The following C5 variants were observed in gnomAD, a reference collection of about 807,000 sequenced individuals.
C5 encodes C3 and PZP-like alpha-2-macroglobulin domain-containing protein 4.
A neutral mutation model predicts 218.8 loss-of-function variants in C5; 140 were observed. The ratio of observed to expected loss-of-function variants is 0.64; its 90% confidence interval spans 0.56 to 0.74. C5 has a LOEUF of 0.74. Among genes scored for constraint, C5 ranks in the 30% least tolerant of loss-of-function variants. The pLI is 0.00. For synonymous variants in C5, 614 were observed against 682.3 expected, an observed-to-expected ratio of 0.90 and a Z score of 1.56; for missense variants, 1,700 against 1,969.6, an observed-to-expected ratio of 0.86 and a Z score of 2.59.
In C5 at chr9:121,027,182, T is replaced by C. The variant is rs529999368; in HGVS notation, c.851A>G (p.Gln284Arg). ...DLKDDQKEMM[Q>R]TAMQNTMLIN... ...TACCATTGTGTTTTGCATTGCTGTT[T>C]GCATCATTTCTTTTTGATCATCTTT... The change falls in exon 8 of 41, where the codon CAA becomes CGA. Residue 284 changes from glutamine (Q) to arginine (R), a missense_variant. Coordinates refer to ENST00000223642, the MANE Select transcript of C5 (RefSeq NM_001735.3). 1 of 1,590,172 alleles carries C rather than the reference T, an allele frequency of 6.3e-7. No individual in the cohort carries two copies. The highest frequency in any genetic ancestry group is 8.6e-7 in the Non-Finnish European group (1 of 1,161,162).
chr9:121,009,988 C>T (rs961335599), intron 17 of C5, among the ~76,000 whole-genome samples: 2 of 152,206 alleles, frequency 1.3e-5, no homozygotes, highest in African/African-American at 4.8e-5. Context: ...GGGCATCGCT[C>T]ATCCCAGTGG....
At chr9:121,036,601 A>T (rs991367836) in intron 4 of C5, among the ~76,000 whole-genome samples, 2 of 105,340 alleles carry the variant, frequency 1.9e-5, no homozygotes, top group African/African-American at 5.2e-5. Flanking sequence ...TTGCCCCCAT[A>T]GCTTAACTCA....
chr9:120,969,201 C>A, intron 32 of C5, 83 bp from the exon 33 acceptor site: 2 of 1,039,550 alleles, frequency 1.9e-6, no homozygotes, highest in South Asian at 2.5e-5. Context: ...AGAACAGAAT[C>A]ATTAATGAGC....
At chr9:120,963,867 T>C (rs2300931) in intron 33 of C5, 129 bp from the exon 34 acceptor site, 30,066 of 683,260 alleles carry the variant, frequency 0.044, 2,095 homozygotes, top group East Asian at 0.21. Flanking sequence ...CTACAATGTA[T>C]GGGTTAAAAT....
At chr9:121,025,123 C>A (rs979218028) in intron 9 of C5, among the ~76,000 whole-genome samples, 3 of 151,850 alleles carry the variant, frequency 2.0e-5, no homozygotes, top group African/African-American at 7.3e-5. Flanking sequence ...TGATTTTCAC[C>A]ACGTGAGGAC....
chr9:121,020,001 T>G lies in C5; in HGVS notation c.1481A>C (p.Asp494Ala). The change falls in exon 12 of 41, where the codon GAC (aspartate) becomes GCC (alanine). Residue 494 changes from aspartate to alanine, a missense_variant. Physicochemically the swap from Asp to Ala is moderately radical, Grantham distance 126. Coordinates refer to ENST00000223642, the MANE Select transcript of C5 (RefSeq NM_001735.3). ...CAAGTAATTATAGTGAGTTATTTTG[T>G]CAATATATGGGCTTTTGGGGGTAAC... ...IIVTPKSPYI[D>A]KITHYNYLIL... is the part of the protein sequence containing the mutation. 2 of 1,607,124 alleles carry G rather than the reference T, an allele frequency of 1.2e-6. No homozygotes were observed. The highest frequency in any genetic ancestry group is 1.7e-6 in the Non-Finnish European group (2 of 1,173,782).
chr9:120,989,458 G>C, intron 24 of C5, 110 bp downstream of exon 24: 1 of 754,742 alleles, frequency 1.3e-6, no homozygotes, highest in Non-Finnish European at 2.1e-6. Flanking sequence ...TGATTTTTTT[G>C]CTAAAATTCT....
At position 120,991,192 on chromosome 9, in the gene C5, T is replaced by C. The variant is rs2047074353; in HGVS notation, c.2940A>G (p.Lys980=). 2.6e-6 allele frequency: 4 copies of C among 1,563,358 alleles called. No individual in the cohort carries two copies. Among genetic ancestry groups the C allele is most frequent in the Non-Finnish European group, 3.5e-6 (4 of 1,133,672 alleles). Residue 980 remains lysine, a splice_region_variant and synonymous_variant, in exon 23 of 41, where the codon AAA becomes AAG. Coordinates refer to ENST00000223642, the MANE Select transcript of C5 (RefSeq NM_001735.3). ...TAAAAATGGCATTTGTTAATTTACC[T>C]TTTACACTCAAAATCCTTTTGATTT... The part of the protein sequence containing the change: ...KTEIKRILSV[K]GLLVGEILSA...
chr9:120,965,734 G>T (rs762601189), intron 33 of C5, among the ~76,000 whole-genome samples: 3 of 152,126 alleles, frequency 2.0e-5, no homozygotes, highest in Non-Finnish European at 4.4e-5. Flanking sequence ...TCCCTAATTG[G>T]ATGGGTAGAA....
chr9:121,049,707 T>A (rs1257169829), intron 1 of C5, among the ~76,000 whole-genome samples: 1 of 152,202 alleles, frequency 6.6e-6, no homozygotes, highest in African/African-American at 2.4e-5. Flanking sequence ...TTAAAATGCA[T>A]ATTATCTCAA....
At chr9:121,030,529 G>A (rs538453603) in intron 6 of C5, 42 bp from the exon 7 acceptor site, 29 of 1,213,188 alleles carry the variant, frequency 2.4e-5, no homozygotes, top group Non-Finnish European at 3.3e-5. Flanking sequence ...ATTTTGATTA[G>A]AGCAGACTTT....
intron 4 of C5, among the ~76,000 whole-genome samples, chr9:121,037,303 T>G (rs769641965): frequency 2.5e-5 from 2 of 80,046 alleles, no homozygotes; most frequent in Admixed American, 1.2e-4. Flanking sequence ...TGTTTTTTGG[T>G]TTTTTTTTTT....
At chr9:121,040,624 GCTTA>G (rs1457490708) in intron 3 of C5, among the ~76,000 whole-genome samples, 15 of 152,086 alleles carry the variant, frequency 9.9e-5, no homozygotes, top group African/African-American at 3.6e-4. Flanking sequence ...CTTTCCTAGT[GCTTA>G]CTGTGTGCTT....
rs1465445257 is a variant in C5, at chr9:121,017,539, A to G, written c.1717-28T>C. 3.1e-6 allele frequency: 5 copies of G among 1,612,632 alleles called. No individual in the cohort carries two copies. The Admixed American group carries it at 8.3e-5, about 27-fold the overall frequency. On this transcript the variant is annotated intron_variant, in intron 13 of 40. Transcript: ENST00000223642. ...AAAAGTTCATTTGAAAAAGAAAAGAAAAGATCATTTGTATGAGACAAGACT... is the reference window on the plus strand; with the variant it reads ...AAAAGTTCATTTGAAAAAGAAAAGAGAAGATCATTTGTATGAGACAAGACT...
chr9:121,019,183 C>T (rs913670066), intron 12 of C5, among the ~76,000 whole-genome samples: 5 of 151,818 alleles, frequency 3.3e-5, no homozygotes, highest in Admixed American at 2.0e-4. Context: ...CTCAGAGGTC[C>T]CTTAAATTGT....
At chr9:121,041,001 T>C (rs1287353272) in intron 3 of C5, among the ~76,000 whole-genome samples, 1 of 148,796 alleles carries the variant, frequency 6.7e-6, no homozygotes, top group Non-Finnish European at 1.5e-5. Flanking sequence ...CAGGCTGGAG[T>C]GCAGTGGCGC....
At chr9:121,053,909 C>T (rs2047685403), upstream of C5, among the ~76,000 whole-genome samples, 1 of 152,196 alleles carries the variant, frequency 6.6e-6, no homozygotes, top group South Asian at 2.1e-4. Context: ...TGGCTAGCTT[C>T]ACCACTGGCT....
chr9:120,962,856 T>G, intron 35 of C5, 37 bp downstream of exon 35: 1 of 1,604,336 alleles, frequency 6.2e-7, no homozygotes, highest in Non-Finnish European at 8.5e-7. Context: ...TTTTGAATAG[T>G]AATAGTAAAG....
intron 33 of C5, among the ~76,000 whole-genome samples, chr9:120,968,746 C>T (rs538563972): frequency 6.6e-6 from 1 of 152,252 alleles, no homozygotes; most frequent in South Asian, 2.1e-4. Flanking sequence ...AGAGTAGGGG[C>T]TGTTTTTGAG....
Sources: allele counts gnomAD v4.1 joint callset (sites outside exome capture counted in the v4.1 genomes callset), GRCh38; gene constraint gnomAD v4.1.1; transcripts MANE v1.5; gene names NCBI Gene and HGNC (gene_info 2026-07-23, HGNC 2026-07-21).